The following NHSL1 variants were observed in gnomAD, a reference collection of about 807,000 sequenced individuals.
NHSL1 encodes NHS-like protein 1.
A neutral mutation model predicts 95.0 loss-of-function variants in NHSL1; 48 were observed. That is an observed-to-expected ratio of 0.51 (90% confidence interval 0.40 to 0.64). The LOEUF is 0.64. NHSL1 is among the 30% of genes least tolerant of loss of function. NHSL1 has a pLI of 0.00. For missense variants in NHSL1, 1,971 were observed against 2,077.7 expected, an observed-to-expected ratio of 0.95 and a Z score of 1.00; for synonymous variants, 783 against 833.9, an observed-to-expected ratio of 0.94 and a Z score of 1.05.
At chr6:138,543,226 C>A (rs1782651126) in intron 1 of NHSL1, among the ~76,000 whole-genome samples, 1 of 152,112 alleles carries the variant, frequency 6.6e-6, no homozygotes, top group Non-Finnish European at 1.5e-5. Context: ...CTTTGTTAGC[C>A]ACAGAGACCT....
At chr6:138,672,207 C>G in intron 1 of NHSL1, among the ~76,000 whole-genome samples, 1 of 152,102 alleles carries the variant, frequency 6.6e-6, no homozygotes, top group Non-Finnish European at 1.5e-5. Context: ...GAAATGAAAA[C>G]TTTTTCACCA....
At chr6:138,553,576 T>A (rs147261319) in intron 1 of NHSL1, among the ~76,000 whole-genome samples, 2 of 152,214 alleles carry the variant, frequency 1.3e-5, no homozygotes, top group African/African-American at 4.8e-5. Context: ...TATTATTACT[T>A]TGCTATTTCA....
At chr6:138,684,376 G>A (rs1167879826) in intron 1 of NHSL1, among the ~76,000 whole-genome samples, 7 of 151,966 alleles carry the variant, frequency 4.6e-5, no homozygotes, top group South Asian at 2.1e-4. Flanking sequence ...CTGTGGGCGC[G>A]GTGACTCAAG....
At chr6:138,615,402 A>G (rs1203110266) in intron 1 of NHSL1, among the ~76,000 whole-genome samples, 1 of 152,268 alleles carries the variant, frequency 6.6e-6, no homozygotes, top group African/African-American at 2.4e-5. Flanking sequence ...CAGGTTATCT[A>G]TGAATGGAGA....
At chr6:138,647,474 G>C (rs982563324) in intron 1 of NHSL1, among the ~76,000 whole-genome samples, 1 of 152,048 alleles carries the variant, frequency 6.6e-6, no homozygotes, top group African/African-American at 2.4e-5. Flanking sequence ...TTTAGAAGCC[G>C]GTGTGCTTGA....
At chr6:138,523,002 AAAGG>A (rs1339859831) in intron 1 of NHSL1, among the ~76,000 whole-genome samples, 4 of 152,172 alleles carry the variant, frequency 2.6e-5, no homozygotes, top group African/African-American at 9.7e-5. Context: ...TAATAAAATA[AAAGG>A]AAGGGTCTCT....
rs569905260 is a variant in NHSL1, at chr6:138,567,381, G to A, written c.202+4329C>T. 8.5e-5 allele frequency among the ~76,000 whole-genome samples: 13 copies of A among 152,144 alleles called. No homozygotes were observed. The East Asian group carries it at 2.3e-3, about 27-fold the overall frequency. Reference sequence around the variant, plus strand: ...TGGGCTCAAGTGTTATGCCCACTTCGGCCTCCGAAAATGTTGGGATAACAA... The same window carrying A: ...TGGGCTCAAGTGTTATGCCCACTTCAGCCTCCGAAAATGTTGGGATAACAA... On this transcript the variant is annotated intron_variant, in intron 1 of 6. Transcript: ENST00000427025.
intron 1 of NHSL1, among the ~76,000 whole-genome samples, chr6:138,533,461 T>C (rs920649695): frequency 1.3e-5 from 2 of 151,950 alleles, no homozygotes; most frequent in Non-Finnish European, 2.9e-5. Context: ...GGCAGGGTAA[T>C]TGCTTGAACC....
rs1240718390 is a variant in NHSL1 at position 138,424,194 on chromosome 6, C to T, written c.4708G>A (p.Gly1570Arg). 2 of 1,484,690 alleles carry T rather than the reference C, an allele frequency of 1.3e-6. No homozygotes were observed. The highest frequency in any genetic ancestry group is 2.5e-5 in the East Asian group (1 of 40,382). The allele number at this position is 1,484,690 out of a possible 1,614,324, so 92.0% of individuals were successfully genotyped here. ...TGGGGCTGCAGGGAGGCGGCAGGCCCCTCCCCACAGAGCAGGCCGCCCTCG... is the reference window on the plus strand; with the variant it reads ...TGGGGCTGCAGGGAGGCGGCAGGCCTCTCCCCACAGAGCAGGCCGCCCTCG... ...MDEGGLLCGE[G>R]PAASLQPQAP... The change falls in exon 8 of 8, where the codon GGG becomes AGG. Residue 1570 changes from glycine (G) to arginine (R), a missense_variant. Physicochemically the swap from Gly to Arg is moderately radical, Grantham distance 125 (BLOSUM62 -2). Coordinates refer to ENST00000343505, the MANE Select transcript of NHSL1 (RefSeq NM_001144060.2). The surrounding 1 kb of genome is among the most constrained non-coding windows in gnomAD (Gnocchi z 5.9).
chr6:138,642,207 C>T (rs1269268673), intron 1 of NHSL1, among the ~76,000 whole-genome samples: 2 of 152,018 alleles, frequency 1.3e-5, no homozygotes, highest in East Asian at 1.9e-4. Flanking sequence ...TATTTCTCTA[C>T]CCACAAAAAT....
At chr6:138,506,516 T>C (rs932402147) in intron 1 of NHSL1, among the ~76,000 whole-genome samples, 6 of 152,178 alleles carry the variant, frequency 3.9e-5, no homozygotes, top group East Asian at 1.9e-4. Context: ...GAATTCCAGA[T>C]AGATAAAAAA....
intron 1 of NHSL1, among the ~76,000 whole-genome samples, chr6:138,651,241 G>C (rs191806921): frequency 6.6e-6 from 1 of 152,094 alleles, no homozygotes; most frequent in African/African-American, 2.4e-5. Flanking sequence ...AATTTGGAGA[G>C]GTCAAATCTT....
At chr6:138,544,983 C>CT (rs35979187) in intron 1 of NHSL1, among the ~76,000 whole-genome samples, 23,899 of 83,350 alleles carry the variant, frequency 0.29, 4,143 homozygotes, top group East Asian at 0.56. Flanking sequence ...TCTTTCTTTT[C>CT]TTTTTTTTTT....
At chr6:138,455,810 A>G (rs9495086) in intron 3 of NHSL1, among the ~76,000 whole-genome samples, 2,446 of 152,284 alleles carry the variant, frequency 0.016, 51 homozygotes, top group East Asian at 0.058. Context: ...AGCCATGACA[A>G]TCAGAAATTC....
intron 1 of NHSL1, among the ~76,000 whole-genome samples, chr6:138,659,262 C>G (rs1297643854): frequency 1.3e-5 from 2 of 151,926 alleles, no homozygotes; most frequent in Non-Finnish European, 2.9e-5. Flanking sequence ...GTTGGCCAGG[C>G]TGGTCTCGAA....
intron 1 of NHSL1, among the ~76,000 whole-genome samples, chr6:138,589,552 GCA>G (rs1784193114): frequency 6.6e-6 from 1 of 152,166 alleles, no homozygotes; most frequent in East Asian, 1.9e-4. Context: ...TCGCTGCTCA[GCA>G]CACAGAGGGT....
At chr6:138,693,090 G>A (rs972475017), upstream of NHSL1, among the ~76,000 whole-genome samples, 20 of 151,586 alleles carry the variant, frequency 1.3e-4, no homozygotes, top group Non-Finnish European at 2.9e-4. The surrounding 1 kb of genome is among the most constrained non-coding windows in gnomAD (Gnocchi z 4.3). Flanking sequence ...GGCGGCGGCG[G>A]CCGCGGCGGC....
chr6:138,474,352 G>T (rs1375615373), intron 2 of NHSL1, among the ~76,000 whole-genome samples: 3 of 152,174 alleles, frequency 2.0e-5, no homozygotes, highest in African/African-American at 7.2e-5. Context: ...TACAGGCACA[G>T]AACTAAACTA....
upstream of NHSL1, among the ~76,000 whole-genome samples, chr6:138,501,748 C>G (rs762830633): frequency 6.6e-6 from 1 of 152,150 alleles, no homozygotes; most frequent in Non-Finnish European, 1.5e-5. Context: ...TGTATCCATT[C>G]CAGGATGCCC....
Sources: gnomAD v4.1 joint callset for allele counts (sites outside exome capture counted in the v4.1 genomes callset) on GRCh38, gnomAD v4.1.1 for gene constraint, Gnocchi (gnomAD v3.1) non-coding constraint, MANE v1.5 for transcripts, NCBI Gene and HGNC (gene_info 2026-07-23, HGNC 2026-07-21) for gene names.